Variants in RYR3 observed in about 807,000 individuals in gnomAD.
The protein encoded by RYR3 is ryanodine receptor 3, also known as brain ryanodine receptor-calcium release channel.
RYR3 carries 207 observed loss-of-function variants against 584.3 expected under a neutral mutation model. The observed-to-expected ratio is 0.35, with a 90% CI of 0.32 to 0.40. The LOEUF (loss-of-function observed/expected upper bound fraction) is 0.40, where lower values mean the gene tolerates loss of function less well. Ranked by LOEUF, RYR3 falls within the 10% of genes least tolerant of loss-of-function variation. RYR3 has a pLI of 1.00. For synonymous variants in RYR3, 2,416 were observed against 2,248.5 expected, an observed-to-expected ratio of 1.07 and a Z score of -2.11; for missense variants, 5,616 against 6,089.2, an observed-to-expected ratio of 0.92 and a Z score of 2.59.
intron 67 of RYR3, among the ~76,000 whole-genome samples, chr15:33,790,294 T>TTTTGTTTGTTTG (rs140040670): frequency 2.7e-5 from 4 of 150,178 alleles, no homozygotes; most frequent in South Asian, 2.1e-4. Context: ...TGCCCAGCCC[T>TTTTGTTTGTTTG]TTTGTTTGTT....
At chr15:33,414,330 G>T (rs1022557368) in intron 1 of RYR3, among the ~76,000 whole-genome samples, 1 of 152,194 alleles carries the variant, frequency 6.6e-6, no homozygotes, top group African/African-American at 2.4e-5. Flanking sequence ...GCTAGTGGTA[G>T]AAAGTTATGT....
At chr15:33,575,034 G>A (rs889439608) in intron 12 of RYR3, among the ~76,000 whole-genome samples, 1 of 151,964 alleles carries the variant, frequency 6.6e-6, no homozygotes, top group African/African-American at 2.4e-5. Context: ...GACAAAGAAG[G>A]GCATTACATA....
chr15:33,580,925 C>T lies in RYR3; in HGVS notation c.1438-583C>T, dbSNP rs138094969. Among the ~76,000 whole-genome samples the T allele has an allele frequency of 8.5e-5, 13 of 152,112 alleles. No homozygotes were observed. The East Asian group carries it at 1.2e-3, about 14-fold the overall frequency. ...TTCCATTTACCATCTCCCTCCCATGCGCTAAGAACAGCTAGCACAGATTTT... is the reference window on the plus strand; with the variant it reads ...TTCCATTTACCATCTCCCTCCCATGTGCTAAGAACAGCTAGCACAGATTTT... On this transcript the variant is annotated intron_variant, in intron 13 of 103. Coordinates refer to ENST00000634891, the MANE Select transcript of RYR3 (RefSeq NM_001036.6).
intron 3 of RYR3, among the ~76,000 whole-genome samples, chr15:33,511,714 A>G (rs2053027569): frequency 6.6e-6 from 1 of 152,182 alleles, no homozygotes; most frequent in South Asian, 2.1e-4. Context: ...ACTGCTCTCC[A>G]ATTAGAATGA....
chr15:33,838,591 G>C lies in RYR3; in HGVS notation c.12611G>C (p.Gly4204Ala). 6.2e-7 allele frequency: 1 copy of C among 1,613,968 alleles called. No individual in the cohort carries two copies. The highest frequency in any genetic ancestry group is 1.1e-5 in the South Asian group (1 of 91,068). Reference sequence around the variant, plus strand: ...TTCCAGTTGCTCTTCACCATCCTGGGAGGAATCTTTCAGATCCTCTGGAGC... The same window carrying C: ...TTCCAGTTGCTCTTCACCATCCTGGCAGGAATCTTTCAGATCCTCTGGAGC... Reference protein sequence around the residue: ...GLFQLLFTILGGIFQILWSTV... With the variant: ...GLFQLLFTILAGIFQILWSTV... The change falls in exon 89 of 104, where the codon GGA becomes GCA. Residue 4204 changes from glycine to alanine, a missense_variant. Physicochemically the swap from Gly to Ala is moderately conservative, Grantham distance 60 (BLOSUM62 0). Transcript: ENST00000634891.
chr15:33,663,912 C>T (rs535455716), intron 36 of RYR3, among the ~76,000 whole-genome samples, 175 bp downstream of exon 36: 1 of 152,164 alleles, frequency 6.6e-6, no homozygotes, highest in Non-Finnish European at 1.5e-5. Context: ...GAATATGTGC[C>T]AATTCTCTTG....
At chr15:33,617,329 G>A (rs1004429060) in intron 19 of RYR3, among the ~76,000 whole-genome samples, 2 of 151,946 alleles carry the variant, frequency 1.3e-5, no homozygotes, top group Non-Finnish European at 2.9e-5. Context: ...GGAGAATGGC[G>A]TGAACCTGGG....
At chr15:33,512,005 C>G (rs966242980) in intron 3 of RYR3, among the ~76,000 whole-genome samples, 1 of 152,128 alleles carries the variant, frequency 6.6e-6, no homozygotes, top group Non-Finnish European at 1.5e-5. Flanking sequence ...GTCTTGATCT[C>G]CTGACCTCAT....
chr15:33,820,059 G>A (rs2077031089), intron 77 of RYR3, among the ~76,000 whole-genome samples: 1 of 152,194 alleles, frequency 6.6e-6, no homozygotes, highest in Non-Finnish European at 1.5e-5. Flanking sequence ...TCTAAAGCCA[G>A]CTAAATGGGG....
At chr15:33,820,619 C>A in intron 77 of RYR3, 137 bp from the exon 78 acceptor site, 1 of 675,646 alleles carries the variant, frequency 1.5e-6, no homozygotes, top group South Asian at 2.2e-5. Flanking sequence ...CCAAAATGTT[C>A]CTGGCTTTAC....
chr15:33,756,317 A>G lies in RYR3; in HGVS notation c.8527A>G (p.Ser2843Gly). The G allele has an allele frequency of 6.3e-7, 1 of 1,578,644 alleles. No individual in the cohort carries two copies. Among genetic ancestry groups the G allele is most frequent in the South Asian group, 1.2e-5 (1 of 85,774 alleles). The change falls in exon 59 of 104, where the codon AGC (serine) becomes GGC (glycine). Residue 2843 changes from serine to glycine, a missense_variant. By Grantham distance (56) the Ser-to-Gly change is moderately conservative (BLOSUM62 0). Around this residue, in one of 9 missense-constraint regions of RYR3, gnomAD observed 1,280 missense variants for 1,426.2 expected, o/e 0.90. Coordinates refer to ENST00000634891, the MANE Select transcript of RYR3 (RefSeq NM_001036.6). ...EFIAHLEAIV[S>G]SGKTEKSPRD... The stretch of plus-strand genomic sequence containing the variant: ...CTGTGTCTTCGTAGAAGCCATTGTC[A>G]GCAGTGGGAAAACTGAAAAGTCTCC...
chr15:33,650,493 G>T (rs778625686), intron 31 of RYR3, among the ~76,000 whole-genome samples: 110 of 152,332 alleles, frequency 7.2e-4, no homozygotes, highest in Admixed American at 2.2e-3. Context: ...CTTATCTAAA[G>T]ATGAGGATAA....
At position 33,638,914 on chromosome 15, in the gene RYR3, T is replaced by A. The variant is rs576144148; in HGVS notation, c.3556+2364T>A. Among the ~76,000 whole-genome samples, 5 of 152,198 alleles carry A rather than the reference T, an allele frequency of 3.3e-5. No individual in the cohort carries two copies. In the South Asian group the frequency reaches 8.3e-4, roughly 25 times the overall value. On this transcript the variant is annotated intron_variant, in intron 27 of 103. Transcript: ENST00000634891. ...GTAGTTCTGTGGCTCCAGGAAGCTATAGGAAAGGGTAGAAGATTTGTGTGT... is the reference window on the plus strand; with the variant it reads ...GTAGTTCTGTGGCTCCAGGAAGCTAAAGGAAAGGGTAGAAGATTTGTGTGT...
intron 5 of RYR3, among the ~76,000 whole-genome samples, chr15:33,535,076 G>A (rs2055210737): frequency 6.6e-6 from 1 of 152,176 alleles, no homozygotes; most frequent in Admixed American, 6.5e-5. Flanking sequence ...AACAGGTTAG[G>A]GCACACTGCA....
intron 43 of RYR3, among the ~76,000 whole-genome samples, chr15:33,718,185 GTTTCT>G (rs1411494498): frequency 6.6e-6 from 1 of 152,112 alleles, no homozygotes; most frequent in African/African-American, 2.4e-5. Context: ...TTGGGAATAT[GTTTCT>G]TTTCTTTAGG....
chr15:33,739,866 C>G lies in RYR3; in HGVS notation c.7691C>G (p.Pro2564Arg). ...CCAGATCTTTTCCGAATGGCCCTGC[C>G]TTGTCTCAGTGCTATAGCTGGGGCC... ...YDPDLFRMAL[P>R]CLSAIAGALP... is the part of the protein sequence containing the mutation. The change falls in exon 51 of 104, where the codon CCT becomes CGT. Residue 2564 changes from proline to arginine, a missense_variant. This residue lies in a region of RYR3 where 1,280 missense variants were observed against 1,426.2 expected (regional missense o/e 0.90). Coordinates refer to ENST00000634891, the MANE Select transcript of RYR3 (RefSeq NM_001036.6). 1 of 1,613,766 alleles carries G rather than the reference C, an allele frequency of 6.2e-7. No individual in the cohort carries two copies. Among genetic ancestry groups the G allele is most frequent in the Middle Eastern group, 1.6e-4 (1 of 6,062 alleles).
At chr15:33,640,968 C>G (rs965805606) in intron 27 of RYR3, among the ~76,000 whole-genome samples, 2 of 152,136 alleles carry the variant, frequency 1.3e-5, no homozygotes, top group Admixed American at 6.5e-5. Flanking sequence ...GATAGTAATG[C>G]CACATGACCT....
At chr15:33,596,899 C>T (rs556248690) in intron 16 of RYR3, among the ~76,000 whole-genome samples, 1 of 152,084 alleles carries the variant, frequency 6.6e-6, no homozygotes, top group South Asian at 2.1e-4. Flanking sequence ...TGCAAGCTGT[C>T]CTTGTTCATT....
chr15:33,740,334 A>G (rs59471218), intron 51 of RYR3, among the ~76,000 whole-genome samples: 30,067 of 152,110 alleles, frequency 0.2, 3,127 homozygotes, highest in African/African-American at 0.27. Context: ...ATCTTTGCTC[A>G]TGGTGAATTA....
Sources: allele counts gnomAD v4.1 joint callset (sites outside exome capture counted in the v4.1 genomes callset), GRCh38; gene constraint gnomAD v4.1.1; regional missense constraint gnomAD v4.1.1; transcripts MANE v1.5; gene names NCBI Gene and HGNC (gene_info 2026-07-23, HGNC 2026-07-21).